The following MAP1B variants were observed in gnomAD, a reference collection of about 807,000 sequenced individuals.
The protein encoded by MAP1B is microtubule-associated protein 1B.
In MAP1B, 12 loss-of-function variants were observed where a neutral mutation model predicts 176.1. The ratio of observed to expected loss-of-function variants is 0.07; its 90% CI spans 0.04 to 0.11. The LOEUF (loss-of-function observed/expected upper bound fraction) is 0.11, where lower values mean the gene tolerates loss of function less well. Ranked by LOEUF, MAP1B falls within the 10% of genes least tolerant of loss-of-function variation. The probability of loss-of-function intolerance (pLI) is 1.00; values close to 1 mark genes in which losing one functional copy is unlikely to be tolerated. For synonymous variants in MAP1B, 1,044 were observed against 1,135.0 expected (o/e 0.92, Z 1.61); for missense variants, 2,523 against 2,990.5 (o/e 0.84, Z 3.65).
intron 2 of MAP1B, among the ~76,000 whole-genome samples, chr5:72,123,675 A>G (rs1025454944): frequency 1.3e-5 from 2 of 152,020 alleles, no homozygotes; most frequent in African/African-American, 4.8e-5. Flanking sequence ...TAGTAGAGAC[A>G]GGGTTTCACT....
intron 2 of MAP1B, chr5:72,169,464 C>T (rs1008061454): frequency 6.5e-6 from 1 of 152,980 alleles, no homozygotes. Flanking sequence ...TTAAATCCCT[C>T]TGAGTGGGAT....
intron 2 of MAP1B, among the ~76,000 whole-genome samples, chr5:72,171,138 G>C (rs886142512): frequency 6.6e-6 from 1 of 152,102 alleles, no homozygotes; most frequent in Non-Finnish European, 1.5e-5. Context: ...TCCCTGCTCA[G>C]AATAAGGAAA....
chr5:72,173,015 C>T (rs1402642066), intron 2 of MAP1B, among the ~76,000 whole-genome samples: 1 of 152,186 alleles, frequency 6.6e-6, no homozygotes, highest in Non-Finnish European at 1.5e-5. Context: ...AACACCTGGT[C>T]TCCATCCCAG....
At chr5:72,141,268 GAC>G (rs1172096684) in intron 2 of MAP1B, among the ~76,000 whole-genome samples, 2 of 152,174 alleles carry the variant, frequency 1.3e-5, no homozygotes, top group Non-Finnish European at 2.9e-5. Context: ...CTGGTGCCGT[GAC>G]ACACATCTGA....
chr5:72,158,095 C>T (rs940436167), intron 2 of MAP1B, among the ~76,000 whole-genome samples: 7 of 151,372 alleles, frequency 4.6e-5, no homozygotes, highest in Non-Finnish European at 8.8e-5. Flanking sequence ...GCAGGCTCCG[C>T]CCCCCGGGGT....
chr5:72,126,236 T>C (rs778036518), intron 2 of MAP1B, among the ~76,000 whole-genome samples: 39 of 152,200 alleles, frequency 2.6e-4, no homozygotes, highest in Non-Finnish European at 5.1e-4. Flanking sequence ...CCTGAGAGCA[T>C]TGTTGCCCAT....
intron 2 of MAP1B, among the ~76,000 whole-genome samples, chr5:72,128,341 A>G (rs1191407544): frequency 2.0e-5 from 3 of 152,082 alleles, no homozygotes; most frequent in Non-Finnish European, 4.4e-5. Flanking sequence ...GCTTCAATAT[A>G]GAACAAGGAA....
intron 2 of MAP1B, among the ~76,000 whole-genome samples, chr5:72,134,758 A>G (rs1347880213): frequency 6.6e-6 from 1 of 151,764 alleles, no homozygotes; most frequent in South Asian, 2.1e-4. Context: ...AAAGCTCACA[A>G]TGGCCTGGGC....
At chr5:72,185,818 G>A (rs536316422) in intron 3 of MAP1B, among the ~76,000 whole-genome samples, 2 of 152,182 alleles carry the variant, frequency 1.3e-5, no homozygotes, top group East Asian at 1.9e-4. Context: ...GTTTACTTTT[G>A]TATCCTCCCC....
At chr5:72,183,939 T>A in intron 3 of MAP1B, 114 bp downstream of exon 3, 1 of 900,402 alleles carries the variant, frequency 1.1e-6, no homozygotes, top group South Asian at 1.6e-5. Context: ...CAGAGAGAAG[T>A]TCTGGGTTAA....
intron 2 of MAP1B, among the ~76,000 whole-genome samples, chr5:72,144,456 C>T (rs908208750): frequency 1.3e-5 from 2 of 152,050 alleles, no homozygotes; most frequent in Admixed American, 6.6e-5. Flanking sequence ...TGCAGGGATG[C>T]GATCATGGCT....
chr5:72,117,398 A>T (rs1745454666), intron 2 of MAP1B, among the ~76,000 whole-genome samples: 1 of 152,110 alleles, frequency 6.6e-6, no homozygotes, highest in African/African-American at 2.4e-5. Flanking sequence ...TTTTACTATG[A>T]TTGTTTGTAA....
intron 2 of MAP1B, among the ~76,000 whole-genome samples, chr5:72,151,296 A>T (rs539884484): frequency 1.5e-4 from 23 of 152,286 alleles, no homozygotes; most frequent in Non-Finnish European, 2.9e-4. Flanking sequence ...CAAGCCATTC[A>T]TGAGGGATCT....
intron 1 of MAP1B, among the ~76,000 whole-genome samples, chr5:72,109,701 G>T (rs1443854514): frequency 1.3e-5 from 2 of 152,210 alleles, no homozygotes; most frequent in Non-Finnish European, 2.9e-5. Context: ...TACCAGTACT[G>T]CAGCGTCACT....
chr5:72,195,459 A>G lies in MAP1B; in HGVS notation c.2104A>G (p.Lys702Glu), dbSNP rs1747135300. 1 of 1,586,534 alleles carries G rather than the reference A, an allele frequency of 6.3e-7. No homozygotes were observed. Among genetic ancestry groups the G allele is most frequent in the African/African-American group, 1.4e-5 (1 of 73,000 alleles). The change falls in exon 5 of 7, where the codon AAA becomes GAA. Residue 702 changes from lysine (K) to glutamate (E), a missense_variant. By Grantham distance (56) the Lys-to-Glu change is moderately conservative. This residue lies in a region of MAP1B where 1,925 missense variants were observed against 2,126.0 expected (regional missense o/e 0.91). Transcript: ENST00000296755. ...AAAAGAACCCAAGAAAGAGGTTAAG[A>G]AAGAAACACCGCCAAAGGAAGTCAA... ...EKKEPKKEVK[K>E]ETPPKEVKKE...
Position 72,199,203 on chromosome 5 carries a change from C to A in MAP1B, c.5848C>A (p.Pro1950Thr). 1 of 1,614,016 alleles carries A rather than the reference C, an allele frequency of 6.2e-7. No individual in the cohort carries two copies. The highest frequency in any genetic ancestry group is 1.3e-5 in the African/African-American group (1 of 74,980). Residue 1950 changes from proline (P) to threonine (T), a missense_variant, in exon 5 of 7, where the codon CCT (proline) becomes ACT (threonine). Transcript: ENST00000296755. This position sits in a 1 kb window ranked among gnomAD's most constrained non-coding sequence, Gnocchi z 4.2. Reference protein sequence around the residue: ...YEIIEKTTRTPEEGGYSYDIS... With the variant: ...YEIIEKTTRTTEEGGYSYDIS... Reference sequence around the variant, plus strand: ...AATTATTGAGAAGACCACACGGACCCCTGAAGAGGGTGGGTACTCATATGA... The same window carrying A: ...AATTATTGAGAAGACCACACGGACCACTGAAGAGGGTGGGTACTCATATGA...
chr5:72,133,145 C>T (rs1745766077), intron 2 of MAP1B, among the ~76,000 whole-genome samples: 1 of 152,196 alleles, frequency 6.6e-6, no homozygotes, highest in South Asian at 2.1e-4. Context: ...AAGTTTCTGC[C>T]TGTAATCCTA....
intron 2 of MAP1B, among the ~76,000 whole-genome samples, chr5:72,177,710 A>G (rs1561307475): frequency 1.3e-5 from 2 of 152,118 alleles, no homozygotes; most frequent in Non-Finnish European, 2.9e-5. Flanking sequence ...CTGCTATTAC[A>G]AGCTTCTGGG....
intron 2 of MAP1B, among the ~76,000 whole-genome samples, chr5:72,161,548 G>A (rs1746324004): frequency 6.6e-6 from 1 of 152,210 alleles, no homozygotes; most frequent in Non-Finnish European, 1.5e-5. Context: ...TTGGTGAAGA[G>A]TCACAGTGGC....
Sources: gnomAD v4.1 joint callset for allele counts (sites outside exome capture counted in the v4.1 genomes callset) on GRCh38, gnomAD v4.1.1 for gene constraint, gnomAD v4.1.1 regional missense constraint, Gnocchi (gnomAD v3.1) non-coding constraint, MANE v1.5 for transcripts, NCBI Gene and HGNC (gene_info 2026-07-23, HGNC 2026-07-21) for gene names.